OSBPL5: variants seen among roughly 807,000 people sequenced by gnomAD.
The protein encoded by OSBPL5 is oxysterol binding protein like 5, also known as oxysterol-binding protein-related protein 5.
OSBPL5 carries 71 observed loss-of-function variants against 111.2 expected under a neutral mutation model. The observed-to-expected ratio is 0.64, with a 90% CI of 0.53 to 0.78. The LOEUF is 0.78. OSBPL5 is among the 30% of genes least tolerant of loss of function. The pLI, the probability that OSBPL5 is intolerant of heterozygous loss-of-function variation, is 0.00. For synonymous variants in OSBPL5, 549 were observed against 513.9 expected (o/e 1.07, Z -0.93); for missense variants, 1,210 against 1,189.3 (o/e 1.02, Z -0.26).
chr11:3,098,475 CCATAAAAAGA>C (rs56048957), intron 14 of OSBPL5, among the ~76,000 whole-genome samples: 72,144 of 138,736 alleles, frequency 0.52, 19,378 homozygotes, highest in East Asian at 0.81. Flanking sequence ...AGCTATCAAG[CCATAAAAAGA>C]CATGAAGGAA....
At chr11:3,159,222 C>T (rs746487134) in intron 1 of OSBPL5, among the ~76,000 whole-genome samples, 4 of 152,126 alleles carry the variant, frequency 2.6e-5, no homozygotes, top group East Asian at 3.9e-4. Context: ...GTTCTTGAGG[C>T]GGGCGCGGGG....
At position 3,146,469 on chromosome 11, in the gene OSBPL5, TGAG is replaced by T. The variant is rs1846349705; in HGVS notation, c.-21-17303_-21-17301del. The T allele has an allele frequency of 6.6e-6, 1 of 152,368 alleles. No homozygotes were observed. The highest frequency in any genetic ancestry group is 6.5e-5 in the Admixed American group (1 of 15,278). 9.4% of individuals were successfully genotyped at this position (152,368 alleles called of 1,614,324 possible). A position where few individuals can be genotyped will look rare whatever the true frequency, so the allele number is the denominator to read the frequency against. ...GAGAATGCAGGTGGAGATTCTGGCCTGAGGAGAGGCTGGGTGGGACGTGGTGGT... is the reference window on the plus strand; with the variant it reads ...GAGAATGCAGGTGGAGATTCTGGCCTGAGAGGCTGGGTGGGACGTGGTGGT... On this transcript the variant is annotated intron_variant, in intron 1 of 21. Coordinates refer to ENST00000263650, the MANE Select transcript of OSBPL5 (RefSeq NM_020896.4). This position sits in a 1 kb window ranked among gnomAD's most constrained non-coding sequence, Gnocchi z 7.8.
chr11:3,112,062 T>TGTATGTGTGC (rs75427714), intron 7 of OSBPL5, among the ~76,000 whole-genome samples: 1 of 62,646 alleles, frequency 1.6e-5, no homozygotes, highest in African/African-American at 8.5e-5. Flanking sequence ...TGTGCATGTG[T>TGTATGTGTGC]ATGTGTGTGT....
Position 3,129,136 on chromosome 11 carries a change from C to G in OSBPL5, c.13G>C (p.Ala5Pro), listed in dbSNP as rs748275638. 140 of 1,473,490 alleles carry G rather than the reference C, an allele frequency of 9.5e-5. No homozygotes were observed. The highest frequency in any genetic ancestry group is 1.2e-4 in the Non-Finnish European group (138 of 1,107,468). The allele number at this position is 1,473,490 out of a possible 1,614,324, so 91.3% of individuals were successfully genotyped here. Reference protein sequence around the residue: MKEEAFLRRRFSLCP... With the variant: MKEEPFLRRRFSLCP... The stretch of plus-strand genomic sequence containing the variant: ...AGGGAGAAGCGGCGCCGGAGGAAGG[C>G]CTCCTCCTTCATGCTGTGGGCGCTC... Residue 5 changes from alanine (A) to proline (P), a missense_variant, in exon 2 of 22, where the codon GCC becomes CCC. By Grantham distance (27) the Ala-to-Pro change is conservative. Transcript: ENST00000263650.
intron 14 of OSBPL5, among the ~76,000 whole-genome samples, chr11:3,099,715 A>G (rs1447562491): frequency 1.3e-5 from 2 of 152,236 alleles, no homozygotes; most frequent in Non-Finnish European, 2.9e-5. Context: ...CAAGGCAAGC[A>G]AAACGCACAT....
chr11:3,098,387 C>T (rs1857344237), intron 14 of OSBPL5, among the ~76,000 whole-genome samples: 1 of 149,998 alleles, frequency 6.7e-6, no homozygotes, highest in South Asian at 2.1e-4. Flanking sequence ...TGGACTTCAT[C>T]AAAGCCACGA....
rs989570137 is a variant in OSBPL5 at position 3,103,104 on chromosome 11, G to A, written c.1326+135C>T. On this transcript the variant is annotated intron_variant, in intron 11 of 21. Coordinates refer to ENST00000263650, the MANE Select transcript of OSBPL5 (RefSeq NM_020896.4). ...ATCACCAAGGACCTGGGCCCTCTGT[G>A]GGGGTGACCAGGATCCTTCTAAGCC... The A allele has an allele frequency of 4.9e-5, 35 of 708,396 alleles. No homozygotes were observed. The South Asian group carries it at 6.6e-4, about 13-fold the overall frequency. The allele number at this position is 708,396 out of a possible 1,614,324, so 43.9% of individuals were successfully genotyped here.
intron 7 of OSBPL5, among the ~76,000 whole-genome samples, chr11:3,111,570 T>A (rs575231731): frequency 1.3e-5 from 2 of 152,312 alleles, no homozygotes; most frequent in African/African-American, 4.8e-5. Flanking sequence ...GTTTCTGTTT[T>A]TGTTGTTTTG....
chr11:3,093,094 C>A (rs1857122806), intron 17 of OSBPL5, 42 bp from the exon 18 acceptor site: 1 of 1,473,964 alleles, frequency 6.8e-7, no homozygotes, highest in Non-Finnish European at 9.0e-7. Context: ...GCCCGGGCAG[C>A]CCGACCCCTA....
In OSBPL5 at chr11:3,120,310, AG is replaced by A. The variant is rs1858358412; in HGVS notation, c.606+110del. On this transcript the variant is annotated intron_variant, in intron 6 of 21. Coordinates refer to ENST00000263650, the MANE Select transcript of OSBPL5 (RefSeq NM_020896.4). ...TCAGAGAAGGTGAGACACCTGCTCAAGGCCCCAAGGGGGCCATTCAGCTGGT... is the reference window on the plus strand; with the variant it reads ...TCAGAGAAGGTGAGACACCTGCTCAAGCCCCAAGGGGGCCATTCAGCTGGT... 6.7e-6 allele frequency: 9 copies of A among 1,349,392 alleles called. No homozygotes were observed. The Admixed American group carries it at 1.5e-4, about 22-fold the overall frequency. The allele number at this position is 1,349,392 out of a possible 1,614,324, so 83.6% of individuals were successfully genotyped here.
intron 10 of OSBPL5, among the ~76,000 whole-genome samples, chr11:3,103,847 C>T (rs544825499): frequency 0.012 from 825 of 71,566 alleles, 30 homozygotes; most frequent in Non-Finnish European, 0.016. Context: ...TCTGCAGCCC[C>T]TTTCCAGTCT....
rs146218086 is a variant in OSBPL5, at chr11:3,120,481, C to T, written c.546G>A (p.Lys182=). 2 of 1,613,400 alleles carry T rather than the reference C, an allele frequency of 1.2e-6. No individual in the cohort carries two copies. Among genetic ancestry groups the T allele is most frequent in the African/African-American group, 2.7e-5 (2 of 75,072 alleles). The change falls in exon 6 of 22, where the codon AAG becomes AAA. Residue 182 remains lysine (K), a synonymous_variant. Transcript: ENST00000263650. ...AGAGCTTGAAGCAGAAGCCGTCCTTCTTGGAGGGCCGCTCGATGAGCTCGC... is the reference window on the plus strand; with the variant it reads ...AGAGCTTGAAGCAGAAGCCGTCCTTTTTGGAGGGCCGCTCGATGAGCTCGC... ...HCCELIERPS[K]KDGFCFKLFH...
chr11:3,132,695 A>G (rs1845845337), intron 1 of OSBPL5, among the ~76,000 whole-genome samples: 1 of 152,072 alleles, frequency 6.6e-6, no homozygotes, highest in Admixed American at 6.5e-5. Context: ...GTCAGCTTCA[A>G]TGTCACTTCC....
In OSBPL5 at chr11:3,142,734, A is replaced by T. The variant is rs1846166829; in HGVS notation, c.-21-13565T>A. On this transcript the variant is annotated intron_variant, in intron 1 of 21. Coordinates refer to ENST00000263650, the MANE Select transcript of OSBPL5 (RefSeq NM_020896.4). The surrounding 1 kb of genome is among the most constrained non-coding windows in gnomAD (Gnocchi z 7.1). ...CTCCGTGTCCGCGGGGCCCGGCAGG[A>T]AGTCGTGTGCAGGGGTGGAGGCTGG... 6.6e-6 allele frequency among the ~76,000 whole-genome samples: 1 copy of T among 151,936 alleles called. No homozygotes were observed. The highest frequency in any genetic ancestry group is 6.6e-5 in the Admixed American group (1 of 15,264).
chr11:3,160,438 G>A (rs1421852675), intron 1 of OSBPL5, among the ~76,000 whole-genome samples: 2 of 152,264 alleles, frequency 1.3e-5, no homozygotes, highest in African/African-American at 4.8e-5. Flanking sequence ...CACTCCCCGC[G>A]TCGCATTCAC....
At chr11:3,101,508 G>T in intron 13 of OSBPL5, 95 bp downstream of exon 13, 3 of 1,157,078 alleles carry the variant, frequency 2.6e-6, no homozygotes, top group Non-Finnish European at 2.5e-6. Context: ...CAGGCACATG[G>T]CCCCCATCCA....
At chr11:3,149,208 G>A (rs953601181) in intron 1 of OSBPL5, among the ~76,000 whole-genome samples, 5 of 152,016 alleles carry the variant, frequency 3.3e-5, no homozygotes, top group African/African-American at 4.8e-5. Flanking sequence ...AGGGCCCCCC[G>A]AGCGTCCACA....
chr11:3,088,186 A>G lies in OSBPL5; in HGVS notation c.*19T>C, dbSNP rs1590623962. On this transcript the variant is annotated 3_prime_UTR_variant, in exon 22 of 22. Transcript: ENST00000263650. ...GAGGGAGGGCTCAGGACCGGCCAGGAGCTCTGCCCTCAGGGCTCCTATTTG... is the reference window on the plus strand; with the variant it reads ...GAGGGAGGGCTCAGGACCGGCCAGGGGCTCTGCCCTCAGGGCTCCTATTTG... 6.4e-7 allele frequency: 1 copy of G among 1,553,842 alleles called. No individual in the cohort carries two copies. The highest frequency in any genetic ancestry group is 8.7e-7 in the Non-Finnish European group (1 of 1,147,106).
intron 1 of OSBPL5, among the ~76,000 whole-genome samples, chr11:3,163,107 C>T (rs76220159): frequency 0.017 from 2,539 of 152,310 alleles, 66 homozygotes; most frequent in African/African-American, 0.058. Flanking sequence ...CCCCCTGTCC[C>T]GGAGGTCAGA....
Sources: allele counts gnomAD v4.1 joint callset (sites outside exome capture counted in the v4.1 genomes callset), GRCh38; gene constraint gnomAD v4.1.1; non-coding constraint Gnocchi (gnomAD v3.1); transcripts MANE v1.5; gene names NCBI Gene and HGNC (gene_info 2026-07-23, HGNC 2026-07-21).